The following TPR variants were observed in gnomAD, a reference collection of about 807,000 sequenced individuals.
TPR encodes translocated promoter region, nuclear basket protein, also known as nucleoprotein TPR.
In TPR, 51 loss-of-function variants were observed where a neutral mutation model predicts 316.1. The ratio of observed to expected loss-of-function variants is 0.16; its 90% CI spans 0.13 to 0.20. The LOEUF is 0.20. TPR is among the 10% of genes least tolerant of loss of function. The probability of loss-of-function intolerance (pLI) is 1.00; values close to 1 mark genes in which losing one functional copy is unlikely to be tolerated. For missense variants in TPR, 2,272 were observed against 2,754.8 expected (o/e 0.82, Z 3.92); for synonymous variants, 981 against 914.7 (o/e 1.07, Z -1.31).
At chr1:186,327,768 G>T in intron 39 of TPR, 108 bp from the exon 40 acceptor site, 1 of 936,512 alleles carries the variant, frequency 1.1e-6, no homozygotes, top group Non-Finnish European at 1.6e-6. Flanking sequence ...AGTACTTATG[G>T]ACTAGCAGCA....
Position 186,327,020 on chromosome 1 carries a change from AT to A in TPR, c.5889+439del, listed in dbSNP as rs1421603965. ...ATAATATATTAAATATATAATATAT[AT>A]ATTATATATATAAATATATATAAAT... On this transcript the variant is annotated intron_variant, in intron 40 of 50. Coordinates refer to ENST00000367478, the MANE Select transcript of TPR (RefSeq NM_003292.3). Among the ~76,000 whole-genome samples, 5 of 85,758 alleles carry A rather than the reference AT, an allele frequency of 5.8e-5. No homozygotes were observed. In the East Asian group the frequency reaches 1.3e-3, roughly 22 times the overall value. The allele number at this position is 85,758 out of a possible 152,430, so 56.3% of individuals were successfully genotyped here.
chr1:186,373,798 C>T (rs144128405), intron 1 of TPR, among the ~76,000 whole-genome samples: 32 of 151,992 alleles, frequency 2.1e-4, no homozygotes, highest in Admixed American at 1.4e-3. Context: ...ATTTATTACA[C>T]GAGAAAAAAT....
At chr1:186,345,543 G>A (rs781050020) in intron 24 of TPR, 37 bp downstream of exon 24, 1 of 1,450,916 alleles carries the variant, frequency 6.9e-7, no homozygotes, top group Non-Finnish European at 9.7e-7. Context: ...CATTCTCTAG[G>A]ATCGAAGCTC....
intron 25 of TPR, 101 bp from the exon 26 acceptor site, chr1:186,344,191 T>C (rs1461341385): frequency 4.9e-6 from 7 of 1,434,134 alleles, no homozygotes; most frequent in East Asian, 2.4e-5. Flanking sequence ...TCCCGACTAC[T>C]TGGGAGGCTG....
rs769660657 is a variant in TPR at position 186,312,168 on chromosome 1, A to G, written c.*1803T>C. On this transcript the variant is annotated 3_prime_UTR_variant, in exon 51 of 51. Transcript: ENST00000367478. ...CATTTTCCATGTGATATTCTAATAC[A>G]TAACAGGTGGCAGCATTCAGCAGTA... The G allele has an allele frequency of 6.3e-5, 101 of 1,612,846 alleles. No individual in the cohort carries two copies. Among genetic ancestry groups the G allele is most frequent in the Non-Finnish European group, 8.0e-5 (94 of 1,178,994 alleles).
intron 4 of TPR, among the ~76,000 whole-genome samples, chr1:186,367,452 T>C (rs1380144621): frequency 6.6e-6 from 1 of 152,228 alleles, no homozygotes; most frequent in African/African-American, 2.4e-5. Flanking sequence ...TCTATGTTTA[T>C]GTATTTTATG....
chr1:186,324,258 A>G (rs1657853387), intron 42 of TPR, among the ~76,000 whole-genome samples: 1 of 151,118 alleles, frequency 6.6e-6, no homozygotes, highest in African/African-American at 2.4e-5. Flanking sequence ...ATAAAATAAA[A>G]TAAAACTAAA....
intron 14 of TPR, among the ~76,000 whole-genome samples, chr1:186,357,048 T>C (rs569429215): frequency 1.4e-4 from 21 of 152,256 alleles, no homozygotes; most frequent in South Asian, 6.2e-4. Context: ...TAGGAACACA[T>C]AGATTTTTTT....
intron 24 of TPR, among the ~76,000 whole-genome samples, chr1:186,344,910 A>G (rs1658629248): frequency 6.6e-6 from 1 of 152,184 alleles, no homozygotes; most frequent in African/African-American, 2.4e-5. Flanking sequence ...ATTTTAAAAT[A>G]GCAATATACA....
In TPR at chr1:186,312,057, A is replaced by G; in HGVS notation, c.*1914T>C. 1.3e-6 allele frequency: 1 copy of G among 781,344 alleles called. No individual in the cohort carries two copies. Among genetic ancestry groups the G allele is most frequent in the South Asian group, 1.6e-5 (1 of 62,216 alleles). 48.4% of individuals were successfully genotyped at this position (781,344 alleles called of 1,614,324 possible). A position where few individuals can be genotyped will look rare whatever the true frequency, so the allele number is the denominator to read the frequency against. ...TAATAGCCATTATTAATATCAATAT[A>G]TTATATGAAAAATGAGAACAAAACT... On this transcript the variant is annotated 3_prime_UTR_variant, in exon 51 of 51. Transcript: ENST00000367478.
At position 186,373,809 on chromosome 1, in the gene TPR, T is replaced by G. The variant is rs927544193; in HGVS notation, c.152-346A>C. Among the ~76,000 whole-genome samples the G allele has an allele frequency of 2.0e-5, 3 of 152,164 alleles. No individual in the cohort carries two copies. In the East Asian group the frequency reaches 5.8e-4, roughly 29 times the overall value. On this transcript the variant is annotated intron_variant, in intron 1 of 50. Transcript: ENST00000367478. ...AAGTATTTATTACACGAGAAAAAAT[T>G]GTTTAGACAAAAAAAAACTCCTTTG...
intron 21 of TPR, among the ~76,000 whole-genome samples, chr1:186,349,617 G>A (rs1480431273): frequency 6.6e-6 from 1 of 150,518 alleles, no homozygotes; most frequent in East Asian, 1.9e-4. Context: ...CCGAGATCGC[G>A]CCACTGCACT....
At chr1:186,371,354 T>C (rs1659518404) in intron 2 of TPR, among the ~76,000 whole-genome samples, 1 of 152,088 alleles carries the variant, frequency 6.6e-6, no homozygotes, top group South Asian at 2.1e-4. Context: ...ACATATATCA[T>C]AAGAAACAGT....
At chr1:186,367,106 G>A (rs559873157) in intron 4 of TPR, among the ~76,000 whole-genome samples, 7 of 118,946 alleles carry the variant, frequency 5.9e-5, no homozygotes, top group South Asian at 2.6e-4. Flanking sequence ...TAGCTCTGTC[G>A]CCCAGGCTGG....
chr1:186,349,468 A>G (rs547070784), intron 21 of TPR, among the ~76,000 whole-genome samples: 1 of 151,796 alleles, frequency 6.6e-6, no homozygotes, highest in Non-Finnish European at 1.5e-5. Context: ...CCTGGCTAAC[A>G]TGGAGAAACC....
chr1:186,372,935 G>A (rs1659577620), intron 2 of TPR, among the ~76,000 whole-genome samples: 1 of 151,964 alleles, frequency 6.6e-6, no homozygotes, highest in African/African-American at 2.4e-5. Flanking sequence ...GAAATCAATA[G>A]GCTTCGATTC....
intron 2 of TPR, among the ~76,000 whole-genome samples, chr1:186,371,804 TTTAATA>T (rs1259942840): frequency 4.6e-5 from 7 of 152,218 alleles, no homozygotes; most frequent in Admixed American, 3.9e-4. Context: ...TCTATTTTGT[TTTAATA>T]TTATTTACTG....
At chr1:186,327,321 T>TAATATATAATATATTA (rs1658030213) in intron 40 of TPR, 139 bp downstream of exon 40, 1 of 96,832 alleles carries the variant, frequency 1.0e-5, no homozygotes, top group African/African-American at 4.2e-5. Flanking sequence ...ATTAAATATA[T>TAATATATAATATATTA]AATATATAAT....
chr1:186,342,437 T>C (rs549407269), intron 27 of TPR: 35 of 152,346 alleles, frequency 2.3e-4, no homozygotes, highest in African/African-American at 7.9e-4. Context: ...TGAAACAATA[T>C]GCAGTCTTTG....
Sources: gnomAD v4.1 joint callset for allele counts (sites outside exome capture counted in the v4.1 genomes callset) on GRCh38, gnomAD v4.1.1 for gene constraint, MANE v1.5 for transcripts, NCBI Gene and HGNC (gene_info 2026-07-23, HGNC 2026-07-21) for gene names.